Variants in C19orf73 observed in about 807,000 individuals in gnomAD.
C19orf73 encodes the protein chromosome 19 open reading frame 73.
For synonymous variants in C19orf73, 86 were observed against 79.1 expected, an observed-to-expected ratio of 1.09 and a Z score of -0.46; for missense variants, 211 against 177.6, an observed-to-expected ratio of 1.19 and a Z score of -1.07.
rs1361828108 is a variant in C19orf73 at position 49,119,137 on chromosome 19, C to T, written c.-115G>A. On this transcript the variant is annotated 5_prime_UTR_variant, in exon 1 of 1. The change abolishes an upstream ATG in the 5' untranslated region. Transcript: ENST00000408991. ...GCCGCGCGCTACTCGCTCCAGGTGA[C>T]ATCATCCCCCTGCCGGGCTCCGCCT... 7.0e-7 allele frequency: 1 copy of T among 1,418,520 alleles called. No homozygotes were observed. Among genetic ancestry groups the T allele is most frequent in the East Asian group, 2.5e-5 (1 of 39,772 alleles). The allele number at this position is 1,418,520 out of a possible 1,614,324, so 87.9% of individuals were successfully genotyped here. A position where few individuals can be genotyped will look rare whatever the true frequency, so the allele number is the denominator to read the frequency against.
In C19orf73 at chr19:49,119,079, T is replaced by G. The variant is rs2040888585; in HGVS notation, c.-57A>C. 5 of 1,603,918 alleles carry G rather than the reference T, an allele frequency of 3.1e-6. No homozygotes were observed. The highest frequency in any genetic ancestry group is 8.5e-7 in the Non-Finnish European group (1 of 1,174,884). ...CGGCGCGAGGGCTAGTGCGCGCCACTGCCGGGAGCCGGGGTCGCGACTCGC... is the reference window on the plus strand; with the variant it reads ...CGGCGCGAGGGCTAGTGCGCGCCACGGCCGGGAGCCGGGGTCGCGACTCGC... On this transcript the variant is annotated 5_prime_UTR_variant, in exon 1 of 1. Coordinates refer to ENST00000408991, the MANE Select transcript of C19orf73 (RefSeq NM_018111.3).
rs762281765 is a variant in C19orf73 at position 49,118,615 on chromosome 19, A to G, written c.*18T>C. The G allele has an allele frequency of 3.8e-6, 6 of 1,597,516 alleles. No homozygotes were observed. In the Admixed American group the frequency reaches 1.0e-4, roughly 27 times the overall value. Reference sequence around the variant, plus strand: ...TCTCCCTAGGTCTGAAGGCGGAGACAGGCCGGCTTCCAAGAGACTAGTCCG... The same window carrying G: ...TCTCCCTAGGTCTGAAGGCGGAGACGGGCCGGCTTCCAAGAGACTAGTCCG... On this transcript the variant is annotated 3_prime_UTR_variant, in exon 1 of 1. Coordinates refer to ENST00000408991, the MANE Select transcript of C19orf73 (RefSeq NM_018111.3).
chr19:49,119,112 G>T lies in C19orf73; in HGVS notation c.-90C>A. ...GCCGGGGTCGCGACTCGCGTTCCAC[G>T]CCGCGCGCTACTCGCTCCAGGTGAC... On this transcript the variant is annotated 5_prime_UTR_variant, in exon 1 of 1. Coordinates refer to ENST00000408991, the MANE Select transcript of C19orf73 (RefSeq NM_018111.3). The T allele has an allele frequency of 6.4e-7, 1 of 1,560,470 alleles. No individual in the cohort carries two copies. The highest frequency in any genetic ancestry group is 8.7e-7 in the Non-Finnish European group (1 of 1,146,054).
the C19orf73 span, chr19:49,118,966 ACACAG>A: frequency 1.2e-6 from 2 of 1,613,578 alleles, no homozygotes; most frequent in Non-Finnish European, 1.7e-6. Flanking sequence ...CACCTTCCAA[ACACAG>A]CGCGTCTTTC....
At position 49,118,494 on chromosome 19, in the gene C19orf73, G is replaced by GT; in HGVS notation, c.*138dup. ...CTGTGTGTCTGTCCTGCATCCCTGG[G>GT]TTGGTGTCTTGAGATGTGGAGGGAA... On this transcript the variant is annotated 3_prime_UTR_variant, in exon 1 of 1. Coordinates refer to ENST00000408991, the MANE Select transcript of C19orf73 (RefSeq NM_018111.3). The GT allele has an allele frequency of 2.6e-6, 4 of 1,566,946 alleles. No individual in the cohort carries two copies. The highest frequency in any genetic ancestry group is 3.5e-6 in the Non-Finnish European group (4 of 1,139,150).
rs1207730376 is a variant in C19orf73 at position 49,118,888 on chromosome 19, C to G, written c.135G>C (p.Ala45=). ...APLRPPRELH[A]APPPATPTQT... ...GCGTGGGAGTCGCGGGTGGGGGTGC[C>G]GCGTGCAGTTCCCGAGGCGGGCGCA... Residue 45 remains alanine, a synonymous_variant, in exon 1 of 1, where the codon GCG becomes GCC. Transcript: ENST00000408991. 2 of 1,613,014 alleles carry G rather than the reference C, an allele frequency of 1.2e-6. No homozygotes were observed. The highest frequency in any genetic ancestry group is 2.2e-5 in the East Asian group (1 of 44,864).
In C19orf73 at chr19:49,119,066, T is replaced by C. The variant is rs1235831107; in HGVS notation, c.-44A>G. On this transcript the variant is annotated 5_prime_UTR_variant, in exon 1 of 1. It removes the in-frame stop codon of an upstream open reading frame in the 5' UTR. Coordinates refer to ENST00000408991, the MANE Select transcript of C19orf73 (RefSeq NM_018111.3). ...CTCGTGTCCCGTGCGGCGCGAGGGC[T>C]AGTGCGCGCCACTGCCGGGAGCCGG... 1.9e-6 allele frequency: 3 copies of C among 1,610,364 alleles called. No homozygotes were observed. Among genetic ancestry groups the C allele is most frequent in the Non-Finnish European group, 2.5e-6 (3 of 1,178,198 alleles).
At position 49,118,651 on chromosome 19, in the gene C19orf73, G is replaced by A; in HGVS notation, c.372C>T (p.Arg124=). ...CAAGAGACTAGTCCGAGGGCGGAGG[G>A]CGGAGGCAGGGACCCAGTCTGGGTC... ...ALRPRLGPCL[R]PPPSD The change falls in exon 1 of 1, where the codon CGC becomes CGT. Residue 124 remains arginine, a synonymous_variant. Coordinates refer to ENST00000408991, the MANE Select transcript of C19orf73 (RefSeq NM_018111.3). 2.5e-6 allele frequency: 4 copies of A among 1,610,480 alleles called. No individual in the cohort carries two copies. The Admixed American group carries it at 5.0e-5, about 20-fold the overall frequency.
In C19orf73 at chr19:49,118,786, C is replaced by G; in HGVS notation, c.237G>C (p.Pro79=). The change falls in exon 1 of 1, where the codon CCG becomes CCC. Residue 79 remains proline, a synonymous_variant. Coordinates refer to ENST00000408991, the MANE Select transcript of C19orf73 (RefSeq NM_018111.3). ...CTGAAACGCAGCCGGAGCCAGTGGG[C>G]GGCCTCTGTGTGGGCGGGGCGGAGC... is the stretch of plus-strand genomic sequence containing the variant. The part of the protein sequence containing the change: ...MVRSAPPTQR[P]PTGSGCVSGL... 7.4e-6 allele frequency: 12 copies of G among 1,614,188 alleles called. No individual in the cohort carries two copies. The highest frequency in any genetic ancestry group is 9.3e-6 in the Non-Finnish European group (11 of 1,180,024).
rs956461490 is a variant in C19orf73, at chr19:49,118,539, G to T, written c.*94C>A. 6.4e-7 allele frequency: 1 copy of T among 1,572,506 alleles called. No homozygotes were observed. The highest frequency in any genetic ancestry group is 8.7e-7 in the Non-Finnish European group (1 of 1,154,502). ...AGGGAATGCGAGGAGCTGAGGTCAGGCCAAGCCGTTGAGAAGCCTTTTCCA... is the reference window on the plus strand; with the variant it reads ...AGGGAATGCGAGGAGCTGAGGTCAGTCCAAGCCGTTGAGAAGCCTTTTCCA... On this transcript the variant is annotated 3_prime_UTR_variant, in exon 1 of 1. Coordinates refer to ENST00000408991, the MANE Select transcript of C19orf73 (RefSeq NM_018111.3).
rs940529830 is a variant in C19orf73 at position 49,118,643 on chromosome 19, G to A, written c.380C>T (p.Pro127Leu). Residue 127 changes from proline (P) to leucine (L), a missense_variant, in exon 1 of 1, where the codon CCC (proline) becomes CTC (leucine). Coordinates refer to ENST00000408991, the MANE Select transcript of C19orf73 (RefSeq NM_018111.3). Reference protein sequence around the residue: ...PRLGPCLRPPPSD With the variant: ...PRLGPCLRPPLSD ...CCGGCTTCCAAGAGACTAGTCCGAGGGCGGAGGGCGGAGGCAGGGACCCAG... is the reference window on the plus strand; with the variant it reads ...CCGGCTTCCAAGAGACTAGTCCGAGAGCGGAGGGCGGAGGCAGGGACCCAG... The A allele has an allele frequency of 2.5e-6, 4 of 1,608,174 alleles. No homozygotes were observed. Among genetic ancestry groups the A allele is most frequent in the Non-Finnish European group, 3.4e-6 (4 of 1,175,984 alleles).
Position 49,118,803 on chromosome 19 carries a change from G to T in C19orf73, c.220C>A (p.Pro74Thr). ...RRTRLMVRSA[P>T]PTQRPPTGSG... ...CCAGTGGGCGGCCTCTGTGTGGGCGGGGCGGAGCGAACCATTAGCCTCGTC... is the reference window on the plus strand; with the variant it reads ...CCAGTGGGCGGCCTCTGTGTGGGCGTGGCGGAGCGAACCATTAGCCTCGTC... Residue 74 changes from proline to threonine, a missense_variant, in exon 1 of 1, where the codon CCG becomes ACG. By Grantham distance (38) the Pro-to-Thr change is conservative. Transcript: ENST00000408991. 6.2e-7 allele frequency: 1 copy of T among 1,614,186 alleles called. No individual in the cohort carries two copies. The highest frequency in any genetic ancestry group is 1.3e-5 in the African/African-American group (1 of 75,074).
rs969506673 is a variant in C19orf73 at position 49,118,714 on chromosome 19, C to T, written c.309G>A (p.Arg103=). 1.9e-6 allele frequency: 3 copies of T among 1,613,972 alleles called. No individual in the cohort carries two copies. Among genetic ancestry groups the T allele is most frequent in the African/African-American group, 2.7e-5 (2 of 74,944 alleles). The change falls in exon 1 of 1, where the codon AGG becomes AGA. Residue 103 remains arginine (R), a synonymous_variant. Coordinates refer to ENST00000408991, the MANE Select transcript of C19orf73 (RefSeq NM_018111.3). The part of the protein sequence containing the change: ...GLGLRPQTLL[R]VGSVVLSSAP... The stretch of plus-strand genomic sequence containing the variant: ...CAGAACTGAGGACAACGCTGCCTAC[C>T]CTTAAGAGCGTCTGAGGGCGAAGGC...
chr19:49,119,120 C>G lies in C19orf73; in HGVS notation c.-98G>C. 1 of 1,542,136 alleles carries G rather than the reference C, an allele frequency of 6.5e-7. No homozygotes were observed. Among genetic ancestry groups the G allele is most frequent in the Non-Finnish European group, 8.8e-7 (1 of 1,134,146 alleles). The stretch of plus-strand genomic sequence containing the variant: ...CGCGACTCGCGTTCCACGCCGCGCG[C>G]TACTCGCTCCAGGTGACATCATCCC... On this transcript the variant is annotated 5_prime_UTR_variant, in exon 1 of 1. Coordinates refer to ENST00000408991, the MANE Select transcript of C19orf73 (RefSeq NM_018111.3).
chr19:49,118,754 C>T, the C19orf73 span: 1 of 1,614,222 alleles, frequency 6.2e-7, no homozygotes, highest in Non-Finnish European at 8.5e-7. Context: ...TCCCTTCCTC[C>T]AGAGTCCTGA....
At position 49,118,523 on chromosome 19, in the gene C19orf73, G is replaced by C; in HGVS notation, c.*110C>G. Reference sequence around the variant, plus strand: ...GTGTCTTGAGATGTGGAGGGAATGCGAGGAGCTGAGGTCAGGCCAAGCCGT... The same window carrying C: ...GTGTCTTGAGATGTGGAGGGAATGCCAGGAGCTGAGGTCAGGCCAAGCCGT... On this transcript the variant is annotated 3_prime_UTR_variant, in exon 1 of 1. Transcript: ENST00000408991. 4 of 1,567,448 alleles carry C rather than the reference G, an allele frequency of 2.6e-6. No homozygotes were observed. In the South Asian group the frequency reaches 4.6e-5, roughly 18 times the overall value.
rs2040877990 is a variant in C19orf73 at position 49,118,627 on chromosome 19, A to G, written c.*6T>C. 1.9e-6 allele frequency: 3 copies of G among 1,604,028 alleles called. No homozygotes were observed. In the East Asian group the frequency reaches 6.7e-5, roughly 36 times the overall value. On this transcript the variant is annotated 3_prime_UTR_variant, in exon 1 of 1. Transcript: ENST00000408991. ...TGAAGGCGGAGACAGGCCGGCTTCC[A>G]AGAGACTAGTCCGAGGGCGGAGGGC...
Position 49,118,557 on chromosome 19 carries a change from CT to C in C19orf73, c.*75del. 1 of 1,572,472 alleles carries C rather than the reference CT, an allele frequency of 6.4e-7. No homozygotes were observed. On this transcript the variant is annotated 3_prime_UTR_variant, in exon 1 of 1. Coordinates refer to ENST00000408991, the MANE Select transcript of C19orf73 (RefSeq NM_018111.3). Reference sequence around the variant, plus strand: ...AGGTCAGGCCAAGCCGTTGAGAAGCCTTTTCCAGAGTCTGAGAACAGAGGTT... The same window carrying C: ...AGGTCAGGCCAAGCCGTTGAGAAGCCTTTCCAGAGTCTGAGAACAGAGGTT...
Position 49,118,705 on chromosome 19 carries a change from G to A in C19orf73, c.318C>T (p.Ser106=), listed in dbSNP as rs2040879672. 3 of 1,614,036 alleles carry A rather than the reference G, an allele frequency of 1.9e-6. No individual in the cohort carries two copies. The South Asian group carries it at 3.3e-5, about 18-fold the overall frequency. ...GTGCTGGGGCAGAACTGAGGACAACGCTGCCTACCCTTAAGAGCGTCTGAG... is the reference window on the plus strand; with the variant it reads ...GTGCTGGGGCAGAACTGAGGACAACACTGCCTACCCTTAAGAGCGTCTGAG... ...LRPQTLLRVG[S]VVLSSAPALR... Residue 106 remains serine, a synonymous_variant, in exon 1 of 1, where the codon AGC becomes AGT. Coordinates refer to ENST00000408991, the MANE Select transcript of C19orf73 (RefSeq NM_018111.3).
Sources: allele counts gnomAD v4.1 joint callset, GRCh38; gene constraint gnomAD v4.1.1; transcripts MANE v1.5; gene names NCBI Gene and HGNC (gene_info 2026-07-23, HGNC 2026-07-21).